Variants in BICDL1 observed in about 807,000 individuals in gnomAD.
The protein encoded by BICDL1 is BICD family-like cargo adapter 1.
In BICDL1, 20 loss-of-function variants were observed where a neutral mutation model predicts 76.8. That is an observed-to-expected ratio of 0.26 (90% CI 0.18 to 0.38). BICDL1 has a LOEUF of 0.38. Among genes scored for constraint, BICDL1 ranks in the 10% least tolerant of loss-of-function variants. The probability of loss-of-function intolerance (pLI) is 1.00; values close to 1 mark genes in which losing one functional copy is unlikely to be tolerated. For missense variants in BICDL1, 700 were observed against 798.6 expected (o/e 0.88, Z 1.49); for synonymous variants, 383 against 337.1 (o/e 1.14, Z -1.49).
chr12:120,074,363 G>T, intron 6 of BICDL1, 80 bp from the exon 7 acceptor site: 1 of 930,794 alleles, frequency 1.1e-6, no homozygotes, highest in African/African-American at 1.8e-5. Flanking sequence ...TTCTCTCCCC[G>T]ACTAACCATC....
intron 9 of BICDL1, chr12:120,092,333 T>C (rs1875043409): frequency 1.0e-6 from 1 of 985,216 alleles, no homozygotes; most frequent in Admixed American, 6.2e-5. Context: ...CCTACCCCAG[T>C]GAGGAAGCTG....
chr12:120,070,172 A>C lies in BICDL1; in HGVS notation c.910-1450A>C, dbSNP rs867038074. Reference sequence around the variant, plus strand: ...GGAATTGCTGGATCATAGAATATAGATTCTATTTAACTTTATTAGAAACTG... The same window carrying C: ...GGAATTGCTGGATCATAGAATATAGCTTCTATTTAACTTTATTAGAAACTG... On this transcript the variant is annotated intron_variant, in intron 4 of 9. Transcript: ENST00000548673. 5.9e-5 allele frequency among the ~76,000 whole-genome samples: 9 copies of C among 152,184 alleles called. 1 individual carries two copies. The highest frequency in any genetic ancestry group is 1.9e-4 in the African/African-American group (8 of 41,448).
chr12:120,093,361 GC>G lies in BICDL1; in HGVS notation c.*201del. 1 of 632,904 alleles carries G rather than the reference GC, an allele frequency of 1.6e-6. No homozygotes were observed. The highest frequency in any genetic ancestry group is 2.7e-6 in the Non-Finnish European group (1 of 375,232). The allele number at this position is 632,904 out of a possible 1,614,324, so 39.2% of individuals were successfully genotyped here. ...TGGGGGCCTGCCTTGGCCACTGAAG[GC>G]TTCCCTTGGCCCACCGCCTGGCCAA... On this transcript the variant is annotated 3_prime_UTR_variant, in exon 10 of 10. Transcript: ENST00000548673.
chr12:120,012,850 T>C (rs1160284032), intron 2 of BICDL1, among the ~76,000 whole-genome samples: 2 of 152,096 alleles, frequency 1.3e-5, no homozygotes, highest in African/African-American at 4.8e-5. Flanking sequence ...GATTATAAAA[T>C]ATGAATATAA....
chr12:120,039,747 A>G (rs961345584), intron 2 of BICDL1, among the ~76,000 whole-genome samples: 2 of 151,870 alleles, frequency 1.3e-5, no homozygotes, highest in Non-Finnish European at 2.9e-5. Flanking sequence ...TAAGGAATGG[A>G]CAGATTCTGG....
intron 3 of BICDL1, among the ~76,000 whole-genome samples, chr12:120,062,926 G>A (rs903698762): frequency 8.5e-5 from 13 of 152,186 alleles, no homozygotes; most frequent in Admixed American, 2.6e-4. Flanking sequence ...GAACCGGGTC[G>A]TCCCCAGGAA....
chr12:120,084,896 A>C (rs1874276651), intron 8 of BICDL1, among the ~76,000 whole-genome samples: 1 of 152,120 alleles, frequency 6.6e-6, no homozygotes, highest in East Asian at 1.9e-4. Flanking sequence ...GTCTCAAAAA[A>C]AAAAAAAAAA....
chr12:120,072,460 G>A, intron 5 of BICDL1, 51 bp from the exon 6 acceptor site: 1 of 1,548,216 alleles, frequency 6.5e-7, no homozygotes, highest in Non-Finnish European at 8.9e-7. Flanking sequence ...AGATGGCCAG[G>A]TAGCAGTCTT....
chr12:120,074,610 A>G, intron 7 of BICDL1, 24 bp downstream of exon 7: 1 of 1,128,360 alleles, frequency 8.9e-7, no homozygotes, highest in Non-Finnish European at 1.1e-6. Flanking sequence ...CCTTCAGTTC[A>G]GTGCAGGGCA....
chr12:120,088,453 T>C (rs1016722766), intron 8 of BICDL1, among the ~76,000 whole-genome samples: 2 of 151,340 alleles, frequency 1.3e-5, no homozygotes, highest in Non-Finnish European at 2.9e-5. Flanking sequence ...ACCTCCCAGG[T>C]TCAAGCGATT....
At chr12:120,002,392 T>C (rs1951775982) in intron 2 of BICDL1, among the ~76,000 whole-genome samples, 1 of 152,206 alleles carries the variant, frequency 6.6e-6, no homozygotes, top group African/African-American at 2.4e-5. Context: ...TGGATGTTAA[T>C]CAGTGCTGTC....
intron 2 of BICDL1, among the ~76,000 whole-genome samples, chr12:120,058,751 C>G (rs12300815): frequency 6.6e-6 from 1 of 151,882 alleles, no homozygotes; most frequent in African/African-American, 2.4e-5. Flanking sequence ...CCACCACGCC[C>G]GCCTTATTTT....
At position 120,050,254 on chromosome 12, in the gene BICDL1, C is replaced by CT. The variant is rs59718449; in HGVS notation, c.646-11444dup. On this transcript the variant is annotated intron_variant, in intron 2 of 9. Transcript: ENST00000548673. ...AGTCTGAGCTTTATAGATCTATTCT[C>CT]TTTTTTTTTTTTCTTTTTTTTTCTT... is the stretch of plus-strand genomic sequence containing the variant. Among the ~76,000 whole-genome samples, 207 of 144,226 alleles carry CT rather than the reference C, an allele frequency of 1.4e-3. 2 individuals carry two copies. Among genetic ancestry groups the CT allele is most frequent in the Middle Eastern group, 3.6e-3 (1 of 276 alleles). 94.6% of individuals were successfully genotyped at this position (144,226 alleles called of 152,430 possible). A position where few individuals can be genotyped will look rare whatever the true frequency, so the allele number is the denominator to read the frequency against.
chr12:120,030,612 A>G (rs938680900), intron 2 of BICDL1, among the ~76,000 whole-genome samples: 2 of 152,238 alleles, frequency 1.3e-5, no homozygotes, highest in African/African-American at 2.4e-5. Context: ...AGGTCACATA[A>G]CATTATTGAT....
intron 2 of BICDL1, among the ~76,000 whole-genome samples, chr12:120,001,547 A>C (rs1951759596): frequency 6.6e-6 from 1 of 152,140 alleles, no homozygotes; most frequent in Non-Finnish European, 1.5e-5. Flanking sequence ...CGCCTGGCCA[A>C]AGGCCGTACT....
intron 2 of BICDL1, among the ~76,000 whole-genome samples, chr12:120,007,540 G>T (rs984637002): frequency 2.6e-5 from 4 of 152,140 alleles, no homozygotes; most frequent in African/African-American, 9.7e-5. Context: ...GGAAGTTAAT[G>T]CAAACAGATG....
At chr12:120,010,687 A>G (rs1045022914) in intron 2 of BICDL1, among the ~76,000 whole-genome samples, 1 of 152,264 alleles carries the variant, frequency 6.6e-6, no homozygotes, top group African/African-American at 2.4e-5. Context: ...GAGCATTTTA[A>G]TGTTTTATGT....
chr12:120,029,187 A>G (rs1445478024), intron 2 of BICDL1, among the ~76,000 whole-genome samples: 1 of 149,164 alleles, frequency 6.7e-6, no homozygotes, highest in Non-Finnish European at 1.5e-5. Context: ...TAAGTCATAC[A>G]AGGGAAGACG....
intron 2 of BICDL1, among the ~76,000 whole-genome samples, chr12:120,008,047 C>T (rs1256358937): frequency 2.0e-5 from 3 of 151,570 alleles, no homozygotes; most frequent in Non-Finnish European, 4.4e-5. Context: ...AAGATAATTT[C>T]TCAACCAAAT....
Sources: allele counts gnomAD v4.1 joint callset (sites outside exome capture counted in the v4.1 genomes callset), GRCh38; gene constraint gnomAD v4.1.1; transcripts MANE v1.5; gene names NCBI Gene and HGNC (gene_info 2026-07-23, HGNC 2026-07-21).